Variants in MYO3B observed in about 807,000 individuals in gnomAD.
The protein encoded by MYO3B is myosin-IIIb.
Under a neutral mutation model 174.6 loss-of-function variants are expected in MYO3B, and 156 were observed. That is an observed-to-expected ratio of 0.89 (90% confidence interval 0.78 to 1.02). The LOEUF (loss-of-function observed/expected upper bound fraction) is 1.02, where lower values mean the gene tolerates loss of function less well. MYO3B is among the 50% of genes least tolerant of loss of function. The pLI is 0.00. For missense variants in MYO3B, 1,632 were observed against 1,639.4 expected, an observed-to-expected ratio of 1.00 and a Z score of 0.08; for synonymous variants, 563 against 569.1, an observed-to-expected ratio of 0.99 and a Z score of 0.15.
At chr2:170,238,058 T>C (rs1453694581) in intron 7 of MYO3B, among the ~76,000 whole-genome samples, 1 of 152,222 alleles carries the variant, frequency 6.6e-6, no homozygotes, top group African/African-American at 2.4e-5. Flanking sequence ...TACAGCTTTT[T>C]TCTTCCCCAA....
intron 3 of MYO3B, among the ~76,000 whole-genome samples, chr2:170,212,804 G>T (rs997061066): frequency 6.6e-6 from 1 of 152,164 alleles, no homozygotes. Context: ...CTCGTGTCTG[G>T]CTCCAGTCTG....
intron 1 of MYO3B, among the ~76,000 whole-genome samples, chr2:170,190,769 A>C (rs2092530974): frequency 6.6e-6 from 1 of 151,986 alleles, no homozygotes; most frequent in Non-Finnish European, 1.5e-5. Flanking sequence ...CTGGCCCAGG[A>C]CAGGTCCAGA....
intron 32 of MYO3B, among the ~76,000 whole-genome samples, chr2:170,577,843 C>T (rs558834143): frequency 6.6e-6 from 1 of 152,192 alleles, no homozygotes; most frequent in Non-Finnish European, 1.5e-5. Flanking sequence ...TCCTTCACAA[C>T]ATCAAACACT....
At position 170,326,606 on chromosome 2, in the gene MYO3B, C is replaced by T. The variant is rs7577239; in HGVS notation, c.750-8779C>T. ...CTCCATCATCTCTATTGACATGGCACCTTCTATTGTCCTTGACTTTCTCCT... is the reference window on the plus strand; with the variant it reads ...CTCCATCATCTCTATTGACATGGCATCTTCTATTGTCCTTGACTTTCTCCT... On this transcript the variant is annotated intron_variant, in intron 7 of 34. Transcript: ENST00000408978. Among the ~76,000 whole-genome samples the T allele has an allele frequency of 4.8e-3, 727 of 152,308 alleles. 12 individuals carry two copies. The highest frequency in any genetic ancestry group is 0.016 in the African/African-American group (676 of 41,550).
intron 32 of MYO3B, among the ~76,000 whole-genome samples, chr2:170,599,803 C>T (rs902589069): frequency 1.3e-5 from 2 of 152,150 alleles, no homozygotes; most frequent in Non-Finnish European, 2.9e-5. Context: ...TTTTAGAGTG[C>T]TTGCCCTTAG....
chr2:170,334,704 CCT>C (rs1255777492), intron 7 of MYO3B: 2 of 152,092 alleles, frequency 1.3e-5, no homozygotes, highest in Non-Finnish European at 2.9e-5. Context: ...CATCCCCACC[CCT>C]CTTTTTTTTT....
chr2:170,283,736 A>C (rs1295304198), intron 7 of MYO3B, among the ~76,000 whole-genome samples: 1 of 152,210 alleles, frequency 6.6e-6, no homozygotes, highest in African/African-American at 2.4e-5. Flanking sequence ...TAAATATCAG[A>C]AGGCTAGAGG....
At chr2:170,477,392 T>G (rs1419198222) in intron 25 of MYO3B, among the ~76,000 whole-genome samples, 1 of 152,144 alleles carries the variant, frequency 6.6e-6, no homozygotes, top group Non-Finnish European at 1.5e-5. Context: ...CTTATTTTTA[T>G]CCTAACATGT....
At position 170,441,633 on chromosome 2, in the gene MYO3B, T is replaced by G. The variant is rs563744580; in HGVS notation, c.2651-2334T>G. Among the ~76,000 whole-genome samples, 3 of 152,360 alleles carry G rather than the reference T, an allele frequency of 2.0e-5. No homozygotes were observed. In the East Asian group the frequency reaches 5.8e-4, roughly 29 times the overall value. On this transcript the variant is annotated intron_variant, in intron 22 of 34. Transcript: ENST00000408978. ...TAAGGGGTAGATTTGTCATGAGTTT[T>G]CTGGGAAAAGGGTGGTCAATTCCTG... is the stretch of plus-strand genomic sequence containing the variant.
intron 25 of MYO3B, among the ~76,000 whole-genome samples, chr2:170,481,166 A>G (rs1361289675): frequency 6.6e-6 from 1 of 152,184 alleles, no homozygotes; most frequent in African/African-American, 2.4e-5. Context: ...AGAAAACACA[A>G]ATCCTCCAGG....
intron 7 of MYO3B, among the ~76,000 whole-genome samples, chr2:170,313,287 A>G (rs1211160803): frequency 6.6e-6 from 1 of 152,202 alleles, no homozygotes; most frequent in Non-Finnish European, 1.5e-5. Context: ...GGGGAGTAAT[A>G]TGGATTATGT....
rs1283047512 is a variant in MYO3B, at chr2:170,239,506, ACT to A, written c.749+3373_749+3374del. The stretch of plus-strand genomic sequence containing the variant: ...TTTATTTGGGGCCAGGTATGAGCTG[ACT>A]CTGTCCATTGTCTCATCACACATTG... On this transcript the variant is annotated intron_variant, in intron 7 of 34. Coordinates refer to ENST00000408978, the MANE Select transcript of MYO3B (RefSeq NM_138995.5). Among the ~76,000 whole-genome samples, 4 of 152,114 alleles carry A rather than the reference ACT, an allele frequency of 2.6e-5. No individual in the cohort carries two copies. The East Asian group carries it at 5.8e-4, about 22-fold the overall frequency.
intron 32 of MYO3B, among the ~76,000 whole-genome samples, chr2:170,628,346 C>G (rs1190781080): frequency 6.6e-6 from 1 of 152,218 alleles, no homozygotes; most frequent in Non-Finnish European, 1.5e-5. Context: ...CCCTCTGAGC[C>G]AGGCGCAGGA....
chr2:170,587,206 C>T (rs1228239082), intron 32 of MYO3B, among the ~76,000 whole-genome samples: 2 of 152,136 alleles, frequency 1.3e-5, no homozygotes, highest in Admixed American at 1.3e-4. Context: ...CTATACTGTA[C>T]TTTTTATTAT....
In MYO3B at chr2:170,234,180, AAAAAAAACAAAACAAAAC is replaced by A. The variant is rs1286124429; in HGVS notation, c.604-1803_604-1786del. 8.5e-5 allele frequency among the ~76,000 whole-genome samples: 6 copies of A among 70,388 alleles called. 1 individual carries two copies. The highest frequency in any genetic ancestry group is 1.7e-4 in the African/African-American group (2 of 11,986). 46.2% of individuals were successfully genotyped at this position (70,388 alleles called of 152,430 possible). A position where few individuals can be genotyped will look rare whatever the true frequency, so the allele number is the denominator to read the frequency against. ...AGTGAGACTCCGTCTCAAAAAAAAA[AAAAAAAACAAAACAAAAC>A]AAAAAAAAAACACCTGTTTCTTAGT... On this transcript the variant is annotated intron_variant, in intron 6 of 34. Coordinates refer to ENST00000408978, the MANE Select transcript of MYO3B (RefSeq NM_138995.5).
intron 3 of MYO3B, among the ~76,000 whole-genome samples, chr2:170,212,025 C>T (rs1042791924): frequency 2.6e-5 from 4 of 151,716 alleles, no homozygotes; most frequent in South Asian, 2.1e-4. Flanking sequence ...TGGCAGATCA[C>T]CTGAGGTCGG....
At chr2:170,578,561 C>T (rs950837834) in intron 32 of MYO3B, among the ~76,000 whole-genome samples, 8 of 152,184 alleles carry the variant, frequency 5.3e-5, no homozygotes, top group African/African-American at 1.4e-4. Flanking sequence ...CTGTTAATTA[C>T]GACTAATTTT....
chr2:170,503,575 T>G (rs530338870), intron 28 of MYO3B, among the ~76,000 whole-genome samples: 4 of 151,740 alleles, frequency 2.6e-5, no homozygotes, highest in South Asian at 4.2e-4. Flanking sequence ...GAAAACACAT[T>G]AAGGTGCCTT....
intron 23 of MYO3B, among the ~76,000 whole-genome samples, chr2:170,444,710 A>G (rs2094827855): frequency 6.6e-6 from 1 of 152,212 alleles, no homozygotes. Context: ...ACAGATGTAC[A>G]TATTTATATT....
Sources: allele counts gnomAD v4.1 joint callset (sites outside exome capture counted in the v4.1 genomes callset), GRCh38; gene constraint gnomAD v4.1.1; transcripts MANE v1.5; gene names NCBI Gene and HGNC (gene_info 2026-07-23, HGNC 2026-07-21).